Variants in PLEKHA5 observed in about 807,000 individuals in gnomAD.
The protein encoded by PLEKHA5 is pleckstrin homology domain-containing family A member 5.
A neutral mutation model predicts 181.9 loss-of-function variants in PLEKHA5; 55 were observed. That is an observed-to-expected ratio of 0.30 (90% CI 0.24 to 0.38). PLEKHA5 has a LOEUF of 0.38. PLEKHA5 is among the 10% of genes least tolerant of loss of function. PLEKHA5 has a pLI of 1.00. For synonymous variants in PLEKHA5, 535 were observed against 529.4 expected, an observed-to-expected ratio of 1.01 and a Z score of -0.15; for missense variants, 1,432 against 1,549.5, an observed-to-expected ratio of 0.92 and a Z score of 1.27.
intron 3 of PLEKHA5, among the ~76,000 whole-genome samples, chr12:19,235,062 A>G (rs2152411643): frequency 6.6e-6 from 1 of 152,294 alleles, no homozygotes; most frequent in East Asian, 1.9e-4. Flanking sequence ...ACTTGAACAT[A>G]TTTGAAACTA....
chr12:19,144,655 G>T (rs374476425), intron 3 of PLEKHA5, among the ~76,000 whole-genome samples: 182 of 152,268 alleles, frequency 1.2e-3, no homozygotes, highest in Middle Eastern at 3.4e-3. Flanking sequence ...TCTGTTTAGC[G>T]ATAACTGTTT....
intron 3 of PLEKHA5, among the ~76,000 whole-genome samples, chr12:19,146,809 T>C (rs2039042491): frequency 6.6e-6 from 1 of 152,156 alleles, no homozygotes; most frequent in Non-Finnish European, 1.5e-5. Flanking sequence ...AGAATTGTGG[T>C]GAAGTGGAAA....
At chr12:19,346,419 G>T (rs1039381537) in intron 23 of PLEKHA5, among the ~76,000 whole-genome samples, 7 of 151,962 alleles carry the variant, frequency 4.6e-5, no homozygotes, top group Admixed American at 4.6e-4. Flanking sequence ...GCAGGAGGAT[G>T]TCTTGAGCCC....
chr12:19,359,207 A>G (rs2095101470), intron 27 of PLEKHA5, among the ~76,000 whole-genome samples: 1 of 152,206 alleles, frequency 6.6e-6, no homozygotes, highest in South Asian at 2.1e-4. Flanking sequence ...GCAAATTACA[A>G]AATGAATGGT....
At chr12:19,360,410 A>G (rs1033520803) in intron 28 of PLEKHA5, among the ~76,000 whole-genome samples, 22 of 152,036 alleles carry the variant, frequency 1.4e-4, no homozygotes, top group African/African-American at 5.3e-4. Context: ...GTTCGAGATC[A>G]GCCTCGCAAA....
At chr12:19,276,565 C>T (rs1467480106) in intron 11 of PLEKHA5, among the ~76,000 whole-genome samples, 1 of 152,164 alleles carries the variant, frequency 6.6e-6, no homozygotes, top group East Asian at 1.9e-4. Flanking sequence ...TTAGTGCTCA[C>T]CTGTAATCTC....
intron 5 of PLEKHA5, among the ~76,000 whole-genome samples, 160 bp from the exon 6 acceptor site, chr12:19,257,273 A>C (rs954771488): frequency 6.6e-6 from 1 of 152,180 alleles, no homozygotes; most frequent in Non-Finnish European, 1.5e-5. Flanking sequence ...ACTTCAAAAA[A>C]CTAACCCAGC....
intron 15 of PLEKHA5, among the ~76,000 whole-genome samples, chr12:19,311,665 G>A (rs1297491997): frequency 2.0e-5 from 3 of 152,012 alleles, no homozygotes; most frequent in African/African-American, 7.2e-5. Context: ...GAAGCAATTC[G>A]CTCACATCTT....
At chr12:19,177,567 G>A (rs1199633712) in intron 3 of PLEKHA5, among the ~76,000 whole-genome samples, 4 of 152,188 alleles carry the variant, frequency 2.6e-5, no homozygotes, top group Admixed American at 1.3e-4. Context: ...CCACAGTGCC[G>A]TGTTGTCCTT....
chr12:19,159,914 A>G (rs1269327637), intron 3 of PLEKHA5, among the ~76,000 whole-genome samples: 2 of 152,114 alleles, frequency 1.3e-5, no homozygotes, highest in Non-Finnish European at 2.9e-5. Context: ...ATAATTGGCA[A>G]TAGTAAGCTG....
At chr12:19,328,362 T>C (rs192241942) in intron 20 of PLEKHA5, among the ~76,000 whole-genome samples, 21 of 152,302 alleles carry the variant, frequency 1.4e-4, no homozygotes, top group Non-Finnish European at 2.5e-4. Context: ...TGAAAAATGA[T>C]GGTAGTTTGA....
In PLEKHA5 at chr12:19,254,081, C is replaced by G; in HGVS notation, c.311+58C>G. On this transcript the variant is annotated intron_variant, in intron 4 of 31. Coordinates refer to ENST00000429027, the MANE Select transcript of PLEKHA5 (RefSeq NM_001256470.2). ...CAAAATTGGGTTAGCATTGAAATTG[C>G]TGTTATTTATATTTCAATTTAGCAG... 4.1e-6 allele frequency: 4 copies of G among 981,164 alleles called. No individual in the cohort carries two copies. The South Asian group carries it at 5.6e-5, about 14-fold the overall frequency. 60.8% of individuals were successfully genotyped at this position (981,164 alleles called of 1,614,324 possible). A position where few individuals can be genotyped will look rare whatever the true frequency, so the allele number is the denominator to read the frequency against.
chr12:19,324,205 T>G (rs894276639), intron 20 of PLEKHA5, among the ~76,000 whole-genome samples: 3 of 152,214 alleles, frequency 2.0e-5, no homozygotes, highest in Non-Finnish European at 4.4e-5. Flanking sequence ...TGGCTTCTAT[T>G]CTGAACCCTG....
At chr12:19,261,195 A>C (rs541306686) in intron 7 of PLEKHA5, among the ~76,000 whole-genome samples, 174 bp downstream of exon 7, 1 of 152,300 alleles carries the variant, frequency 6.6e-6, no homozygotes, top group South Asian at 2.1e-4. Flanking sequence ...GGGTTATGAT[A>C]GAATAAATAT....
At chr12:19,257,991 T>C (rs2067311740) in intron 6 of PLEKHA5, among the ~76,000 whole-genome samples, 1 of 151,928 alleles carries the variant, frequency 6.6e-6, no homozygotes, top group Non-Finnish European at 1.5e-5. Context: ...TTTTTCTGAG[T>C]TTTTTCAGAT....
intron 20 of PLEKHA5, among the ~76,000 whole-genome samples, chr12:19,329,245 C>T (rs1398936237): frequency 6.6e-6 from 1 of 152,028 alleles, no homozygotes; most frequent in Non-Finnish European, 1.5e-5. Flanking sequence ...TTGCTTGTAT[C>T]TTGTTGAGGA....
chr12:19,300,765 C>T (rs1385527523), intron 15 of PLEKHA5, among the ~76,000 whole-genome samples: 1 of 152,058 alleles, frequency 6.6e-6, no homozygotes, highest in East Asian at 1.9e-4. Flanking sequence ...TACTCAGTGC[C>T]ATTTGTAACT....
rs146557170 is a variant in PLEKHA5, at chr12:19,269,799, T to C, written c.741T>C (p.Tyr247=). Residue 247 remains tyrosine, a synonymous_variant, in exon 9 of 32, where the codon TAT becomes TAC. Transcript: ENST00000429027. ...CCCATCCAAACATGCGGACCTATTA[T>C]TTCTGCACTGATACAGGAAAGGAAA... ...KAAHPNMRTY[Y]FCTDTGKEME... is the part of the protein sequence containing the mutation. The C allele has an allele frequency of 5.0e-6, 8 of 1,607,564 alleles. No individual in the cohort carries two copies. The African/African-American group carries it at 1.1e-4, about 21-fold the overall frequency.
chr12:19,343,333 C>A lies in PLEKHA5; in HGVS notation c.2561C>A (p.Ala854Glu). 1 of 1,609,336 alleles carries A rather than the reference C, an allele frequency of 6.2e-7. No homozygotes were observed. The highest frequency in any genetic ancestry group is 8.5e-7 in the Non-Finnish European group (1 of 1,176,200). The change falls in exon 22 of 32, where the codon GCA becomes GAA. Residue 854 changes from alanine (A) to glutamate (E), a missense_variant. This residue lies in a region of PLEKHA5 where 1,143 missense variants were observed against 1,168.4 expected (regional missense o/e 0.98). Coordinates refer to ENST00000429027, the MANE Select transcript of PLEKHA5 (RefSeq NM_001256470.2). ...CATTTTTACTGATAGACGGAATCAG[C>A]AGGAATTCAGCGTGCACAGATTCAG... ...DHLGEVQTES[A>E]GIQRAQIQKE... is the part of the protein sequence containing the mutation.
Sources: gnomAD v4.1 joint callset for allele counts (sites outside exome capture counted in the v4.1 genomes callset) on GRCh38, gnomAD v4.1.1 for gene constraint, gnomAD v4.1.1 regional missense constraint, MANE v1.5 for transcripts, NCBI Gene and HGNC (gene_info 2026-07-23, HGNC 2026-07-21) for gene names.